Variants in ZNRF3 observed in about 807,000 individuals in gnomAD.
The protein encoded by ZNRF3 is E3 ubiquitin-protein ligase ZNRF3.
ZNRF3 carries 23 observed loss-of-function variants against 72.5 expected under a neutral mutation model. That is an observed-to-expected ratio of 0.32 (90% CI 0.23 to 0.45). ZNRF3 has a LOEUF of 0.45. Among genes scored for constraint, ZNRF3 ranks in the 20% least tolerant of loss-of-function variants. ZNRF3 has a pLI of 1.00. For missense variants in ZNRF3, 1,169 were observed against 1,272.1 expected (o/e 0.92, Z 1.23); for synonymous variants, 610 against 545.3 (o/e 1.12, Z -1.65).
chr22:28,964,624 C>G (rs1437803678), intron 1 of ZNRF3, among the ~76,000 whole-genome samples: 2 of 152,220 alleles, frequency 1.3e-5, no homozygotes, highest in Non-Finnish European at 2.9e-5. Flanking sequence ...CACCCACCTC[C>G]TATCTCTTGG....
chr22:28,997,266 G>A (rs1216570448), intron 2 of ZNRF3, among the ~76,000 whole-genome samples: 2 of 152,274 alleles, frequency 1.3e-5, no homozygotes, highest in Middle Eastern at 3.4e-3. Context: ...CTGGAAGCAC[G>A]CTGCAACTAT....
chr22:29,040,910 A>C (rs2036951071), intron 2 of ZNRF3, among the ~76,000 whole-genome samples: 1 of 152,210 alleles, frequency 6.6e-6, no homozygotes, highest in Non-Finnish European at 1.5e-5. Context: ...TGTTCTGGGC[A>C]ACTTTGCTTT....
At chr22:28,941,444 T>C (rs1386466504) in intron 1 of ZNRF3, among the ~76,000 whole-genome samples, 1 of 152,238 alleles carries the variant, frequency 6.6e-6, no homozygotes, top group African/African-American at 2.4e-5. Flanking sequence ...AAGATGACTT[T>C]ATTACTTTTA....
intron 1 of ZNRF3, 54 bp from the exon 2 acceptor site, chr22:28,987,022 T>A: frequency 6.4e-7 from 1 of 1,574,662 alleles, no homozygotes. Context: ...ACAATATGAG[T>A]CAAGCAAATG....
chr22:29,041,744 A>G (rs1250824757), intron 2 of ZNRF3, among the ~76,000 whole-genome samples: 2 of 151,774 alleles, frequency 1.3e-5, no homozygotes, highest in South Asian at 2.1e-4. Context: ...ATTTACAATT[A>G]TTTTTCACAG....
chr22:28,926,202 A>G (rs563239343), intron 1 of ZNRF3, among the ~76,000 whole-genome samples: 6 of 152,304 alleles, frequency 3.9e-5, no homozygotes, highest in African/African-American at 1.4e-4. Flanking sequence ...GAGCATGTGC[A>G]CATTCTGTTC....
chr22:28,990,203 G>A (rs1346283031), intron 2 of ZNRF3, among the ~76,000 whole-genome samples: 1 of 152,210 alleles, frequency 6.6e-6, no homozygotes, highest in Non-Finnish European at 1.5e-5. Flanking sequence ...AATGTGGAGA[G>A]GCTGTTGTGG....
chr22:28,934,466 A>T (rs2034783597), intron 1 of ZNRF3, among the ~76,000 whole-genome samples: 1 of 152,200 alleles, frequency 6.6e-6, no homozygotes, highest in Non-Finnish European at 1.5e-5. Context: ...GTAAGAAAGA[A>T]AAGAATTACT....
intron 2 of ZNRF3, among the ~76,000 whole-genome samples, chr22:29,028,961 G>C (rs1002631781): frequency 6.6e-6 from 1 of 152,220 alleles, no homozygotes; most frequent in Admixed American, 6.5e-5. Flanking sequence ...AGATGACCTT[G>C]TGTTGGTTTC....
At chr22:28,972,389 C>G (rs745682132) in intron 1 of ZNRF3, among the ~76,000 whole-genome samples, 7 of 152,172 alleles carry the variant, frequency 4.6e-5, no homozygotes, top group Non-Finnish European at 8.8e-5. Context: ...TGACTAGCTT[C>G]TTTTACTCAG....
intron 2 of ZNRF3, among the ~76,000 whole-genome samples, chr22:29,037,637 TTTGC>T (rs1187146447): frequency 6.6e-6 from 1 of 152,164 alleles, no homozygotes; most frequent in Non-Finnish European, 1.5e-5. Flanking sequence ...GGCGCAAGTG[TTTGC>T]TCTTTTGCTA....
chr22:29,040,337 A>G (rs2036939837), intron 2 of ZNRF3, among the ~76,000 whole-genome samples: 1 of 151,724 alleles, frequency 6.6e-6, no homozygotes, highest in Non-Finnish European at 1.5e-5. Context: ...ATGCCACCAC[A>G]TCCAGCTGAT....
chr22:28,984,519 C>T (rs925542486), intron 1 of ZNRF3, among the ~76,000 whole-genome samples: 1 of 152,236 alleles, frequency 6.6e-6, no homozygotes, highest in Non-Finnish European at 1.5e-5. Context: ...GGCCAAACCC[C>T]ATAAATGTAT....
In ZNRF3 at chr22:28,966,013, G is replaced by A. The variant is rs747428341; in HGVS notation, c.301-21063G>A. Among the ~76,000 whole-genome samples, 110 of 152,222 alleles carry A rather than the reference G, an allele frequency of 7.2e-4. 2 individuals are homozygous for A. Among genetic ancestry groups the A allele is most frequent in the Admixed American group, 1.7e-3 (26 of 15,286 alleles). On this transcript the variant is annotated intron_variant, in intron 1 of 8. Transcript: ENST00000544604. ...GATTTCTTGAAACAGTGTAAACTTGGTGACTTTACTGCATAATAAATCCAC... is the reference window on the plus strand; with the variant it reads ...GATTTCTTGAAACAGTGTAAACTTGATGACTTTACTGCATAATAAATCCAC...
At chr22:29,002,798 C>T (rs1017497046) in intron 2 of ZNRF3, among the ~76,000 whole-genome samples, 15 of 152,154 alleles carry the variant, frequency 9.9e-5, no homozygotes, top group African/African-American at 3.1e-4. Context: ...AGGTCTGACT[C>T]CAGGCCACTC....
intron 1 of ZNRF3, among the ~76,000 whole-genome samples, chr22:28,970,752 C>G (rs189543325): frequency 2.4e-4 from 36 of 152,244 alleles, no homozygotes; most frequent in East Asian, 1.9e-4. Flanking sequence ...TCCCTTCCCC[C>G]CAAAAAAGAG....
Position 29,049,602 on chromosome 22 carries a change from T to C in ZNRF3, c.1421T>C (p.Phe474Ser). 1 of 1,609,742 alleles carries C rather than the reference T, an allele frequency of 6.2e-7. No individual in the cohort carries two copies. Among genetic ancestry groups the C allele is most frequent in the Middle Eastern group, 1.7e-4 (1 of 6,052 alleles). The change falls in exon 8 of 9, where the codon TTC becomes TCC. Residue 474 changes from phenylalanine to serine, a missense_variant. This residue lies in a region of ZNRF3 where 783 missense variants were observed against 731.4 expected (regional missense o/e 1.07). Transcript: ENST00000544604. The surrounding 1 kb of genome is among the most constrained non-coding windows in gnomAD (Gnocchi z 5.2). ...QYETMYQHYY[F>S]QGLSYPEQEG... ...GAGACCATGTACCAGCACTACTACT[T>C]CCAGGGCCTCAGCTACCCGGAGCAG... is the stretch of plus-strand genomic sequence containing the variant.
Position 29,048,299 on chromosome 22 carries a change from G to C in ZNRF3, c.913-90G>C. 9.6e-7 allele frequency: 1 copy of C among 1,045,854 alleles called. No individual in the cohort carries two copies. The highest frequency in any genetic ancestry group is 2.5e-5 in the East Asian group (1 of 40,584). The allele number at this position is 1,045,854 out of a possible 1,614,324, so 64.8% of individuals were successfully genotyped here. A position where few individuals can be genotyped will look rare whatever the true frequency, so the allele number is the denominator to read the frequency against. On this transcript the variant is annotated intron_variant, in intron 6 of 8. Coordinates refer to ENST00000544604, the MANE Select transcript of ZNRF3 (RefSeq NM_001206998.2). The surrounding 1 kb of genome is among the most constrained non-coding windows in gnomAD (Gnocchi z 4.9). ...GAGTAGGGAAGGGCACGGGCATGCT[G>C]TGCAGAACTCCTTGGTCTATGCTGG...
intron 1 of ZNRF3, among the ~76,000 whole-genome samples, chr22:28,921,724 T>G (rs2034517591): frequency 6.6e-6 from 1 of 152,220 alleles, no homozygotes; most frequent in African/African-American, 2.4e-5. Context: ...CCCTCTGAAC[T>G]GTTTCATATT....
Sources: allele counts gnomAD v4.1 joint callset (sites outside exome capture counted in the v4.1 genomes callset), GRCh38; gene constraint gnomAD v4.1.1; regional missense constraint gnomAD v4.1.1; non-coding constraint Gnocchi (gnomAD v3.1); transcripts MANE v1.5; gene names NCBI Gene and HGNC (gene_info 2026-07-23, HGNC 2026-07-21).